MAP3K9: variants seen among roughly 807,000 people sequenced by gnomAD.
MAP3K9 encodes mitogen-activated protein kinase kinase kinase 9, also known as mixed lineage kinase 1 (tyr and ser/thr specificity).
Under a neutral mutation model 95.8 loss-of-function variants are expected in MAP3K9, and 46 were observed. The observed-to-expected ratio is 0.48, with a 90% CI of 0.38 to 0.61. The LOEUF (loss-of-function observed/expected upper bound fraction) is 0.61, where lower values mean the gene tolerates loss of function less well. Ranked by LOEUF, MAP3K9 falls within the 20% of genes least tolerant of loss-of-function variation. The pLI is 0.00. For synonymous variants in MAP3K9, 533 were observed against 593.8 expected, an observed-to-expected ratio of 0.90 and a Z score of 1.49; for missense variants, 1,296 against 1,474.3, an observed-to-expected ratio of 0.88 and a Z score of 1.98.
intron 2 of MAP3K9, among the ~76,000 whole-genome samples, chr14:70,780,876 G>A (rs1357470285): frequency 6.6e-6 from 1 of 152,200 alleles, no homozygotes; most frequent in Non-Finnish European, 1.5e-5. Context: ...TCAGATGCTC[G>A]ATGGTTTTGT....
chr14:70,734,497 G>A lies in MAP3K9; in HGVS notation c.1915C>T (p.Leu639Phe), dbSNP rs143859920. 1.6e-4 allele frequency: 256 copies of A among 1,574,760 alleles called. No individual in the cohort carries two copies. Among genetic ancestry groups the A allele is most frequent in the Non-Finnish European group, 2.2e-4 (249 of 1,147,714 alleles). The change falls in exon 10 of 12, where the codon CTC becomes TTC. Residue 639 changes from leucine (L) to phenylalanine (F), a missense_variant and splice_region_variant. Transcript: ENST00000554752. ...PSESPHFHLGLKSLVDGYKQW... is the reference protein window; with the variant it reads ...PSESPHFHLGFKSLVDGYKQW... ...TTATATCCATCTACCAGGGACTTGA[G>A]GCTGAATCAGAGGAAAAGAGGAAAC...
intron 1 of MAP3K9, among the ~76,000 whole-genome samples, chr14:70,806,564 C>T (rs1243443796): frequency 6.6e-6 from 1 of 152,192 alleles, no homozygotes; most frequent in Non-Finnish European, 1.5e-5. Flanking sequence ...CATCTGGGTT[C>T]CAGATTTAGG....
rs368749294 is a variant in MAP3K9, at chr14:70,765,722, C to T, written c.821-4540G>A. On this transcript the variant is annotated intron_variant, in intron 2 of 11. Coordinates refer to ENST00000554752, the MANE Select transcript of MAP3K9 (RefSeq NM_001284230.2). Reference sequence around the variant, plus strand: ...AATGTCTTGGGCCACACATAAAATACACCAACAACAGCTAAAAAAAAAAAA... The same window carrying T: ...AATGTCTTGGGCCACACATAAAATATACCAACAACAGCTAAAAAAAAAAAA... Among the ~76,000 whole-genome samples, 4 of 124,326 alleles carry T rather than the reference C, an allele frequency of 3.2e-5. No homozygotes were observed. The East Asian group carries it at 9.6e-4, about 30-fold the overall frequency. 81.6% of individuals were successfully genotyped at this position (124,326 alleles called of 152,430 possible). A position where few individuals can be genotyped will look rare whatever the true frequency, so the allele number is the denominator to read the frequency against.
chr14:70,797,212 T>C (rs977227480), intron 2 of MAP3K9, among the ~76,000 whole-genome samples: 4 of 152,174 alleles, frequency 2.6e-5, no homozygotes, highest in Non-Finnish European at 5.9e-5. Context: ...ATATAATTCC[T>C]AGTATTCTGC....
At chr14:70,804,705 G>C (rs1019905979) in intron 1 of MAP3K9, among the ~76,000 whole-genome samples, 1 of 152,126 alleles carries the variant, frequency 6.6e-6, no homozygotes, top group Admixed American at 6.5e-5. Flanking sequence ...ATGCAGGGAG[G>C]TTTAAAAGAC....
At chr14:70,739,932 G>C in intron 7 of MAP3K9, 110 bp downstream of exon 7, 1 of 1,614,054 alleles carries the variant, frequency 6.2e-7, no homozygotes, top group Non-Finnish European at 8.5e-7. Context: ...TCGAGGAGAG[G>C]TGGCAGAAGT....
intron 3 of MAP3K9, 72 bp downstream of exon 3, chr14:70,760,930 C>T (rs1372244557): frequency 2.0e-6 from 3 of 1,534,428 alleles, no homozygotes; most frequent in Admixed American, 3.5e-5. Flanking sequence ...AACCTCAATT[C>T]TCCAAGTCTT....
intron 3 of MAP3K9, among the ~76,000 whole-genome samples, chr14:70,757,315 A>G (rs940998821): frequency 1.3e-5 from 2 of 152,048 alleles, no homozygotes; most frequent in African/African-American, 4.8e-5. Flanking sequence ...CTACAAAAAA[A>G]ATAGAAAAAG....
chr14:70,736,530 T>C (rs1392887824), intron 8 of MAP3K9, among the ~76,000 whole-genome samples: 1 of 152,204 alleles, frequency 6.6e-6, no homozygotes, highest in East Asian at 1.9e-4. Flanking sequence ...CTAAGACTCA[T>C]GAAAAAATTA....
chr14:70,761,457 CAT>C (rs577264493), intron 2 of MAP3K9, among the ~76,000 whole-genome samples: 40 of 152,294 alleles, frequency 2.6e-4, no homozygotes, highest in African/African-American at 6.3e-4. Context: ...CTAAAATACA[CAT>C]GTCACAATTA....
chr14:70,734,568 T>A (rs1374881951), intron 9 of MAP3K9, 70 bp from the exon 10 acceptor site: 5 of 846,462 alleles, frequency 5.9e-6, no homozygotes, highest in Non-Finnish European at 9.7e-6. Context: ...GCTCCATGGG[T>A]CTATGGAGAC....
In MAP3K9 at chr14:70,809,408, C is replaced by A; in HGVS notation, c.-237G>T. On this transcript the variant is annotated 5_prime_UTR_variant, in exon 1 of 12. Coordinates refer to ENST00000554752, the MANE Select transcript of MAP3K9 (RefSeq NM_001284230.2). ...AGGGGCGCAGCGGGCCGAGTCCCCG[C>A]CTGCCCGCTCGCCCCCCCGGGGGCG... 2.5e-6 allele frequency: 1 copy of A among 397,782 alleles called. No individual in the cohort carries two copies. The highest frequency in any genetic ancestry group is 4.2e-6 in the Non-Finnish European group (1 of 235,886). The allele number at this position is 397,782 out of a possible 1,614,324, so 24.6% of individuals were successfully genotyped here. A position where few individuals can be genotyped will look rare whatever the true frequency, so the allele number is the denominator to read the frequency against.
At chr14:70,777,390 C>T (rs911271667) in intron 2 of MAP3K9, among the ~76,000 whole-genome samples, 7 of 152,156 alleles carry the variant, frequency 4.6e-5, no homozygotes, top group Admixed American at 3.9e-4. Context: ...GTGTCCACTC[C>T]AAAACCTCTG....
chr14:70,774,983 C>CAAAAAAAAAAAAAAAAAAAAAAAAA (rs60144338), intron 2 of MAP3K9, among the ~76,000 whole-genome samples: 6 of 55,114 alleles, frequency 1.1e-4, no homozygotes, highest in Admixed American at 3.2e-4. Flanking sequence ...ACTCTGTCCC[C>CAAAAAAAAAAAAAAAAAAAAAAAAA]AAAAAAAAAA....
chr14:70,728,921 C>T lies in MAP3K9; in HGVS notation c.*1459G>A, dbSNP rs889034466. ...CTCTACTCCCAATCAAGTCGTCATT[C>T]CCACATAAAGACAACTGTTCACACA... On this transcript the variant is annotated 3_prime_UTR_variant, in exon 12 of 12. Coordinates refer to ENST00000554752, the MANE Select transcript of MAP3K9 (RefSeq NM_001284230.2). The T allele has an allele frequency of 6.6e-6, 1 of 152,174 alleles. No homozygotes were observed. Among genetic ancestry groups the T allele is most frequent in the Non-Finnish European group, 1.5e-5 (1 of 68,046 alleles). 9.4% of individuals were successfully genotyped at this position (152,174 alleles called of 1,614,324 possible). A position where few individuals can be genotyped will look rare whatever the true frequency, so the allele number is the denominator to read the frequency against.
At chr14:70,807,065 C>G (rs576099374) in intron 1 of MAP3K9, among the ~76,000 whole-genome samples, 3 of 152,206 alleles carry the variant, frequency 2.0e-5, no homozygotes, top group African/African-American at 7.2e-5. Context: ...AAGTTTTAAA[C>G]TGAATGAGAG....
chr14:70,730,611 C>T lies in MAP3K9; in HGVS notation c.3084G>A (p.Thr1028=), dbSNP rs760244410. The change falls in exon 12 of 12, where the codon ACG becomes ACA. Residue 1028 remains threonine (T), a synonymous_variant. Coordinates refer to ENST00000554752, the MANE Select transcript of MAP3K9 (RefSeq NM_001284230.2). ...CAAAGCAGGAGTCCAGGTTGCTGGGCGTCTCTGTGCTGGAGCTGTTGGCTG... is the reference window on the plus strand; with the variant it reads ...CAAAGCAGGAGTCCAGGTTGCTGGGTGTCTCTGTGCTGGAGCTGTTGGCTG... ...TSPANSSSTE[T]PSNLDSCFAS... 1.9e-5 allele frequency: 31 copies of T among 1,613,914 alleles called. No homozygotes were observed. The highest frequency in any genetic ancestry group is 7.7e-5 in the South Asian group (7 of 91,080).
chr14:70,770,467 A>C (rs141780844), intron 2 of MAP3K9, among the ~76,000 whole-genome samples: 43 of 152,250 alleles, frequency 2.8e-4, no homozygotes, highest in African/African-American at 1.0e-3. Flanking sequence ...TACAGGAGTG[A>C]GCCACCGTGC....
chr14:70,801,831 A>G (rs2054933838), intron 1 of MAP3K9, among the ~76,000 whole-genome samples: 1 of 152,198 alleles, frequency 6.6e-6, no homozygotes, highest in African/African-American at 2.4e-5. Context: ...AGGGCAGGGA[A>G]GGACAATCAG....
Sources: allele counts gnomAD v4.1 joint callset (sites outside exome capture counted in the v4.1 genomes callset), GRCh38; gene constraint gnomAD v4.1.1; transcripts MANE v1.5; gene names NCBI Gene and HGNC (gene_info 2026-07-23, HGNC 2026-07-21).